TRPM3: variants seen among roughly 807,000 people sequenced by gnomAD.
TRPM3 encodes long transient receptor potential channel 3.
TRPM3 carries 77 observed loss-of-function variants against 181.2 expected under a neutral mutation model. The observed-to-expected ratio is 0.42, with a 90% CI of 0.35 to 0.51. The LOEUF (loss-of-function observed/expected upper bound fraction) is 0.51, where lower values mean the gene tolerates loss of function less well. Among genes scored for constraint, TRPM3 ranks in the 20% least tolerant of loss-of-function variants. TRPM3 has a pLI of 0.01. For synonymous variants in TRPM3, 745 were observed against 796.4 expected (o/e 0.94, Z 1.09); for missense variants, 1,759 against 2,196.7 (o/e 0.80, Z 3.98).
At chr9:70,695,893 C>G (rs1481999999) in intron 8 of TRPM3, among the ~76,000 whole-genome samples, 1 of 152,184 alleles carries the variant, frequency 6.6e-6, no homozygotes, top group East Asian at 1.9e-4. Context: ...CCCAGACAGC[C>G]TGGCTTGAAG....
At chr9:70,982,956 C>A (rs1425055578) in intron 1 of TRPM3, among the ~76,000 whole-genome samples, 2 of 152,182 alleles carry the variant, frequency 1.3e-5, no homozygotes, top group African/African-American at 2.4e-5. Flanking sequence ...GCCTCGGCCT[C>A]CCAAAGTGCT....
chr9:71,322,525 AC>A (rs2089319538), intron 1 of TRPM3, among the ~76,000 whole-genome samples: 1 of 152,118 alleles, frequency 6.6e-6, no homozygotes, highest in Admixed American at 6.6e-5. Flanking sequence ...GTTAGACTAT[AC>A]CAGCATGCTC....
chr9:70,748,297 G>A (rs527622269), intron 8 of TRPM3, among the ~76,000 whole-genome samples: 2 of 152,262 alleles, frequency 1.3e-5, no homozygotes, highest in South Asian at 2.1e-4. Context: ...GCCCAAGAGA[G>A]AATGTGGTGT....
intron 6 of TRPM3, among the ~76,000 whole-genome samples, chr9:70,818,074 T>C (rs1235476866): frequency 6.6e-6 from 1 of 152,202 alleles, no homozygotes; most frequent in Non-Finnish European, 1.5e-5. Flanking sequence ...GGTAAATTTA[T>C]TGAGGATGTC....
chr9:71,285,383 ATTC>A (rs1294295712), intron 1 of TRPM3, among the ~76,000 whole-genome samples: 1 of 152,106 alleles, frequency 6.6e-6, no homozygotes, highest in African/African-American at 2.4e-5. Context: ...TTTTCTTCCT[ATTC>A]TTTTTTGTGT....
intron 1 of TRPM3, among the ~76,000 whole-genome samples, chr9:71,231,295 A>G (rs2081033456): frequency 6.6e-6 from 1 of 152,308 alleles, no homozygotes; most frequent in Non-Finnish European, 1.5e-5. Context: ...GAGAAGTAAG[A>G]GAATCTGAGT....
chr9:71,235,570 CTA>C (rs1477901609), intron 1 of TRPM3, among the ~76,000 whole-genome samples: 8 of 152,146 alleles, frequency 5.3e-5, no homozygotes, highest in Non-Finnish European at 1.0e-4. Context: ...AAGATAGTGT[CTA>C]TGTTTTATGA....
chr9:70,744,648 G>C (rs1564095653), intron 8 of TRPM3, among the ~76,000 whole-genome samples: 1 of 152,100 alleles, frequency 6.6e-6, no homozygotes, highest in Non-Finnish European at 1.5e-5. Context: ...GGGTGGTCTG[G>C]ACACTGTGCC....
chr9:70,615,559 T>C (rs144307631), intron 18 of TRPM3, among the ~76,000 whole-genome samples: 2 of 152,348 alleles, frequency 1.3e-5, no homozygotes, highest in Non-Finnish European at 2.9e-5. Flanking sequence ...TCTCAAATCA[T>C]GGATTCCCTT....
chr9:71,070,162 A>G (rs2062548066), intron 1 of TRPM3, among the ~76,000 whole-genome samples: 1 of 152,224 alleles, frequency 6.6e-6, no homozygotes, highest in Non-Finnish European at 1.5e-5. Flanking sequence ...ATCAAAATGT[A>G]TCAGTAATTT....
At chr9:70,588,392 C>T (rs10117195) in intron 22 of TRPM3, among the ~76,000 whole-genome samples, 4,122 of 151,830 alleles carry the variant, frequency 0.027, 186 homozygotes, top group African/African-American at 0.093. Context: ...CCCTATTGTA[C>T]ATCCATATAC....
At chr9:71,405,180 C>T (rs1274701354) in intron 1 of TRPM3, among the ~76,000 whole-genome samples, 2 of 152,112 alleles carry the variant, frequency 1.3e-5, no homozygotes, top group African/African-American at 4.8e-5. Flanking sequence ...GATAATTATT[C>T]CTTGTCTGTC....
At chr9:71,167,610 C>A (rs1283476823) in intron 1 of TRPM3, among the ~76,000 whole-genome samples, 2 of 152,078 alleles carry the variant, frequency 1.3e-5, no homozygotes, top group African/African-American at 4.8e-5. Context: ...AATTTAGAAC[C>A]AAATTAGCAG....
At chr9:71,133,519 G>T (rs1054989146) in intron 1 of TRPM3, among the ~76,000 whole-genome samples, 1 of 92,018 alleles carries the variant, frequency 1.1e-5, no homozygotes, top group Admixed American at 1.0e-4. Context: ...GGCTGGTCTA[G>T]AACTCCCAAC....
chr9:71,291,414 CTCTT>C (rs1472193542), intron 1 of TRPM3, among the ~76,000 whole-genome samples: 1 of 152,134 alleles, frequency 6.6e-6, no homozygotes, highest in East Asian at 1.9e-4. Context: ...GCCAGCAGTG[CTCTT>C]TCTATTTTGT....
chr9:71,198,594 T>C (rs1011025008), intron 1 of TRPM3, among the ~76,000 whole-genome samples: 4 of 151,896 alleles, frequency 2.6e-5, no homozygotes, highest in Non-Finnish European at 4.4e-5. Flanking sequence ...TCACATCCCT[T>C]GTAAGTTGGA....
intron 1 of TRPM3, chr9:70,917,225 A>C: frequency 6.3e-7 from 1 of 1,584,576 alleles, no homozygotes; most frequent in Non-Finnish European, 8.7e-7. Flanking sequence ...TGCAAAATAC[A>C]GGGCAATAGC....
At chr9:71,032,356 AC>A (rs2057640142) in intron 1 of TRPM3, among the ~76,000 whole-genome samples, 1 of 150,500 alleles carries the variant, frequency 6.6e-6, no homozygotes, top group South Asian at 2.1e-4. Context: ...AAAGATCTGG[AC>A]CCACAGGTTA....
chr9:70,888,909 G>A (rs894118811), intron 1 of TRPM3, among the ~76,000 whole-genome samples: 1 of 152,114 alleles, frequency 6.6e-6, no homozygotes, highest in African/African-American at 2.4e-5. Context: ...TAAAATGAGA[G>A]GAAAGTTGTA....
Sources: allele counts gnomAD v4.1 joint callset (sites outside exome capture counted in the v4.1 genomes callset), GRCh38; gene constraint gnomAD v4.1.1; transcripts MANE v1.5; gene names NCBI Gene and HGNC (gene_info 2026-07-23, HGNC 2026-07-21).